Variants in IGSF11 observed in about 807,000 individuals in gnomAD.
IGSF11 encodes CXADR like 1.
A neutral mutation model predicts 41.0 loss-of-function variants in IGSF11; 22 were observed. That is an observed-to-expected ratio of 0.54 (90% CI 0.38 to 0.77). IGSF11 has a LOEUF of 0.77. IGSF11 is among the 30% of genes least tolerant of loss of function. The probability of loss-of-function intolerance (pLI) is 0.00; values close to 1 mark genes in which losing one functional copy is unlikely to be tolerated. For missense variants in IGSF11, 444 were observed against 530.8 expected, an observed-to-expected ratio of 0.84 and a Z score of 1.61; for synonymous variants, 219 against 201.3, an observed-to-expected ratio of 1.09 and a Z score of -0.74.
intron 1 of IGSF11, among the ~76,000 whole-genome samples, chr3:118,991,064 A>C (rs1310757024): frequency 6.6e-6 from 1 of 152,234 alleles, no homozygotes; most frequent in Non-Finnish European, 1.5e-5. Context: ...AGAGAATTGC[A>C]TCTCCTAAAA....
intron 1 of IGSF11, among the ~76,000 whole-genome samples, chr3:118,977,034 G>A (rs577966984): frequency 5.3e-5 from 8 of 152,200 alleles, no homozygotes; most frequent in Admixed American, 5.2e-4. Flanking sequence ...ATTGATATGT[G>A]AAAAAATATT....
rs1469644398 is a variant in IGSF11 at position 118,918,791 on chromosome 3, G to A, written c.580+7310C>T. Among the ~76,000 whole-genome samples, 43 of 142,864 alleles carry A rather than the reference G, an allele frequency of 3.0e-4. No individual in the cohort carries two copies. In the East Asian group the frequency reaches 8.7e-3, roughly 29 times the overall value. The allele number at this position is 142,864 out of a possible 152,430, so 93.7% of individuals were successfully genotyped here. On this transcript the variant is annotated intron_variant, in intron 4 of 6. Coordinates refer to ENST00000393775, the MANE Select transcript of IGSF11 (RefSeq NM_001015887.3). The stretch of plus-strand genomic sequence containing the variant: ...TTCATATGGAACAAAAAAAGAGCCC[G>A]CATCGCCAAGTCAATCCTAAGCCAA...
intron 1 of IGSF11, among the ~76,000 whole-genome samples, chr3:119,047,725 A>G (rs1396541005): frequency 2.0e-5 from 3 of 152,136 alleles, no homozygotes. Context: ...CACCTATTCC[A>G]AAATTGACCA....
chr3:119,129,033 C>A (rs1267253021), intron 1 of IGSF11, among the ~76,000 whole-genome samples: 1 of 152,038 alleles, frequency 6.6e-6, no homozygotes, highest in East Asian at 1.9e-4. Flanking sequence ...AACTGAAAGC[C>A]CTCATCCTCA....
At chr3:119,101,922 T>G (rs1174152012) in intron 1 of IGSF11, among the ~76,000 whole-genome samples, 1 of 152,260 alleles carries the variant, frequency 6.6e-6, no homozygotes, top group African/African-American at 2.4e-5. Context: ...ATCTTAGTAC[T>G]TGTCTTTAAA....
Position 119,057,528 on chromosome 3 carries a change from A to G in IGSF11, c.49+47616T>C, listed in dbSNP as rs570497964. Among the ~76,000 whole-genome samples the G allele has an allele frequency of 6.5e-4, 99 of 152,312 alleles. 1 individual carries two copies. The highest frequency in any genetic ancestry group is 2.6e-4 in the Non-Finnish European group (18 of 68,030). ...CTCATGGGTAGGAAGAATTGATATC[A>G]TGAAAATGGCCATACTGCCCAAGGT... On this transcript the variant is annotated intron_variant, in intron 1 of 6. Transcript: ENST00000354673.
At chr3:119,103,627 A>G (rs2076973811) in intron 1 of IGSF11, among the ~76,000 whole-genome samples, 1 of 152,024 alleles carries the variant, frequency 6.6e-6, no homozygotes, top group East Asian at 1.9e-4. Context: ...TTACTTCTCC[A>G]AAGTCATCAA....
chr3:118,968,141 A>T (rs1422243627), intron 1 of IGSF11, among the ~76,000 whole-genome samples: 2 of 152,186 alleles, frequency 1.3e-5, no homozygotes, highest in African/African-American at 2.4e-5. Flanking sequence ...AAAATAATAC[A>T]TGTTTTATGG....
chr3:119,051,345 C>G (rs1448793589), intron 1 of IGSF11, among the ~76,000 whole-genome samples: 1 of 151,552 alleles, frequency 6.6e-6, no homozygotes, highest in Non-Finnish European at 1.5e-5. Flanking sequence ...TCAGACAAAA[C>G]AGACTTTAAA....
chr3:119,110,708 T>A (rs1221641614), intron 1 of IGSF11, among the ~76,000 whole-genome samples: 8 of 152,360 alleles, frequency 5.3e-5, no homozygotes, highest in Non-Finnish European at 1.0e-4. Flanking sequence ...CATTTTGGCA[T>A]GATTTTGCAG....
intron 1 of IGSF11, among the ~76,000 whole-genome samples, chr3:119,135,490 A>C (rs1310045269): frequency 1.3e-5 from 2 of 152,246 alleles, no homozygotes; most frequent in Non-Finnish European, 2.9e-5. Flanking sequence ...CATCAGAGAA[A>C]TGCAAATCAA....
intron 1 of IGSF11, among the ~76,000 whole-genome samples, chr3:119,065,350 A>C (rs984903157): frequency 6.6e-6 from 1 of 152,100 alleles, no homozygotes; most frequent in African/African-American, 2.4e-5. Flanking sequence ...TATCTGTGAA[A>C]TCTCCTGGTC....
At chr3:118,916,339 A>G (rs1406898557) in intron 4 of IGSF11, among the ~76,000 whole-genome samples, 1 of 152,170 alleles carries the variant, frequency 6.6e-6, no homozygotes, top group Non-Finnish European at 1.5e-5. Flanking sequence ...AAGACCCATC[A>G]GTGTGCTGTA....
chr3:119,104,883 C>T (rs2076996144), intron 1 of IGSF11, among the ~76,000 whole-genome samples: 1 of 152,096 alleles, frequency 6.6e-6, no homozygotes, highest in Non-Finnish European at 1.5e-5. Flanking sequence ...CAGAGTCACC[C>T]TCCAGCATAT....
chr3:118,900,744 T>C lies in IGSF11; in HGVS notation c.*1776A>G, dbSNP rs1042433395. ...CATCATCTTTTCAGTGTCATGGTAT[T>C]TTCACTTTTCTTTATAAAAAGTATA... On this transcript the variant is annotated 3_prime_UTR_variant, in exon 7 of 7. Coordinates refer to ENST00000393775, the MANE Select transcript of IGSF11 (RefSeq NM_001015887.3). The C allele has an allele frequency of 1.0e-4, 16 of 152,722 alleles. No homozygotes were observed. Among genetic ancestry groups the C allele is most frequent in the Admixed American group, 9.8e-4 (15 of 15,282 alleles). 9.5% of individuals were successfully genotyped at this position (152,722 alleles called of 1,614,324 possible).
chr3:118,981,522 A>C (rs949394020), intron 1 of IGSF11, among the ~76,000 whole-genome samples: 8 of 152,176 alleles, frequency 5.3e-5, no homozygotes, highest in African/African-American at 1.9e-4. Flanking sequence ...AGGGTAAGTC[A>C]TCCCTGACAC....
At chr3:119,073,870 G>T (rs966765539) in intron 1 of IGSF11, among the ~76,000 whole-genome samples, 1 of 152,234 alleles carries the variant, frequency 6.6e-6, no homozygotes, top group Non-Finnish European at 1.5e-5. Flanking sequence ...TAGGCTGAAG[G>T]GCTCCTCAAT....
intron 1 of IGSF11, among the ~76,000 whole-genome samples, chr3:119,001,154 T>C (rs1368779676): frequency 2.6e-5 from 4 of 151,658 alleles, no homozygotes; most frequent in Non-Finnish European, 4.4e-5. Flanking sequence ...ATCCTTCAAT[T>C]GGCACTTAGT....
At chr3:119,034,120 C>A (rs1352233985) in intron 1 of IGSF11, among the ~76,000 whole-genome samples, 1 of 152,180 alleles carries the variant, frequency 6.6e-6, no homozygotes, top group African/African-American at 2.4e-5. Context: ...ATAAAGTTTT[C>A]CAAATGATTT....
Sources: gnomAD v4.1 joint callset for allele counts (sites outside exome capture counted in the v4.1 genomes callset) on GRCh38, gnomAD v4.1.1 for gene constraint, MANE v1.5 for transcripts, NCBI Gene and HGNC (gene_info 2026-07-23, HGNC 2026-07-21) for gene names.